FANCA: variants seen among roughly 807,000 people sequenced by gnomAD.
FANCA encodes the protein Fanconi anemia group A protein.
Under a neutral mutation model 194.3 loss-of-function variants are expected in FANCA, and 236 were observed. The ratio of observed to expected loss-of-function variants is 1.21; its 90% CI spans 1.09 to 1.35. The LOEUF (loss-of-function observed/expected upper bound fraction) is 1.35. FANCA is among the 40% of genes most tolerant of loss of function. The pLI is 0.00. For missense variants in FANCA, 2,628 were observed against 1,813.9 expected (o/e 1.45, Z -8.15); for synonymous variants, 1,014 against 715.8 (o/e 1.42, Z -6.65).
chr16:89,761,604 A>T (rs1403909068), intron 29 of FANCA, among the ~76,000 whole-genome samples: 2 of 152,174 alleles, frequency 1.3e-5, no homozygotes, highest in East Asian at 3.9e-4. Context: ...CAATGTGGAA[A>T]ACCGTGTAAC....
rs747141831 is a variant in FANCA, at chr16:89,792,475, C to T, written c.1079G>A (p.Arg360His). 1.1e-5 allele frequency: 17 copies of T among 1,612,938 alleles called. No homozygotes were observed. Among genetic ancestry groups the T allele is most frequent in the South Asian group, 6.6e-5 (6 of 91,034 alleles). ...RTHPLLTSLY[R>H]RLFVMLSAEE... The stretch of plus-strand genomic sequence containing the variant: ...TATAATACCACATCCACTCACCCTG[C>T]GGTACAGTGAGGTGAGCAGAGGGTG... Residue 360 changes from arginine to histidine, a missense_variant, in exon 12 of 43, where the codon CGC becomes CAC. Arg to His is a conservative substitution (Grantham distance 29). Coordinates refer to ENST00000389301, the MANE Select transcript of FANCA (RefSeq NM_000135.4).
At chr16:89,742,705 T>C in intron 37 of FANCA, 95 bp downstream of exon 37, 2 of 1,368,838 alleles carry the variant, frequency 1.5e-6, no homozygotes, top group South Asian at 1.2e-5. Flanking sequence ...TATTTGTCTT[T>C]AGAAAAACAG....
In FANCA at chr16:89,783,120, A is replaced by G. The variant is rs1452023682; in HGVS notation, c.1471-18T>C. ...ATGTGCACCTGAGGATAGATAGCAG[A>G]GCGCAGCACCGTTAGTCTGGGAACT... On this transcript the variant is annotated intron_variant, in intron 15 of 42. Coordinates refer to ENST00000389301, the MANE Select transcript of FANCA (RefSeq NM_000135.4). 6.3e-7 allele frequency: 1 copy of G among 1,587,952 alleles called. No individual in the cohort carries two copies. Among genetic ancestry groups the G allele is most frequent in the African/African-American group, 1.4e-5 (1 of 73,996 alleles).
At chr16:89,804,653 G>A (rs939965021) in intron 7 of FANCA, among the ~76,000 whole-genome samples, 1 of 152,170 alleles carries the variant, frequency 6.6e-6, no homozygotes, top group African/African-American at 2.4e-5. Context: ...AACTGGGTTG[G>A]TCCCTAGTCT....
At chr16:89,761,183 G>T (rs2038938429) in intron 29 of FANCA, among the ~76,000 whole-genome samples, 1 of 152,188 alleles carries the variant, frequency 6.6e-6, no homozygotes, top group African/African-American at 2.4e-5. Flanking sequence ...ACTTTGGGAG[G>T]CCAAGGCAAG....
intron 26 of FANCA, 34 bp downstream of exon 26, chr16:89,769,798 AGAGAG>A (rs1043860520): frequency 1.9e-6 from 3 of 1,609,056 alleles, no homozygotes; most frequent in African/African-American, 2.7e-5. Flanking sequence ...ACTTTTCGAG[AGAGAG>A]GAGAGAAGAC....
intron 2 of FANCA, among the ~76,000 whole-genome samples, chr16:89,815,536 A>G (rs1249785463): frequency 6.6e-6 from 1 of 151,376 alleles, no homozygotes; most frequent in Non-Finnish European, 1.5e-5. Flanking sequence ...TTGTATTTTC[A>G]GTAGAGACCG....
At chr16:89,765,183 A>G (rs2039084630) in intron 27 of FANCA, 117 bp from the exon 28 acceptor site, 1 of 1,205,742 alleles carries the variant, frequency 8.3e-7, no homozygotes, top group Non-Finnish European at 1.2e-6. Flanking sequence ...CCCCACATTC[A>G]GAGGACCTCA....
At chr16:89,748,917 C>A in intron 32 of FANCA, 150 bp from the exon 33 acceptor site, 1 of 711,264 alleles carries the variant, frequency 1.4e-6, no homozygotes, top group Non-Finnish European at 2.5e-6. Flanking sequence ...CTGTCCCATC[C>A]AAAGCCTGCA....
chr16:89,748,103 G>C (rs2038453256), intron 33 of FANCA, among the ~76,000 whole-genome samples: 1 of 152,120 alleles, frequency 6.6e-6, no homozygotes, highest in Non-Finnish European at 1.5e-5. Flanking sequence ...GTAGAAACAG[G>C]GTTTTGTCAT....
At chr16:89,757,344 A>T (rs1178139175) in intron 30 of FANCA, among the ~76,000 whole-genome samples, 1 of 152,158 alleles carries the variant, frequency 6.6e-6, no homozygotes, top group Non-Finnish European at 1.5e-5. Flanking sequence ...GAGTAGGGTT[A>T]ACAAGAAGTC....
rs761658520 is a variant in FANCA, at chr16:89,770,096, G to A, written c.2316+70C>T. The A allele has an allele frequency of 1.3e-5, 21 of 1,579,734 alleles. No homozygotes were observed. The Admixed American group carries it at 2.6e-4, about 20-fold the overall frequency. Reference sequence around the variant, plus strand: ...TGGAATTTTCCAGGGCACTGAAGACGAATTGAGAAGTAGCAGCCTGGCCCT... The same window carrying A: ...TGGAATTTTCCAGGGCACTGAAGACAAATTGAGAAGTAGCAGCCTGGCCCT... On this transcript the variant is annotated intron_variant, in intron 25 of 42. Coordinates refer to ENST00000389301, the MANE Select transcript of FANCA (RefSeq NM_000135.4).
rs748270781 is a variant in FANCA, at chr16:89,785,014, C to G, written c.1360-50G>C. Reference sequence around the variant, plus strand: ...CCCAGGACAGCCAGGCGCGGCTGCACCACCTAGGCAGTGTCCTGTGTGGAG... The same window carrying G: ...CCCAGGACAGCCAGGCGCGGCTGCAGCACCTAGGCAGTGTCCTGTGTGGAG... On this transcript the variant is annotated intron_variant, in intron 14 of 42. Transcript: ENST00000389301. The G allele has an allele frequency of 3.0e-6, 4 of 1,338,090 alleles. No individual in the cohort carries two copies. In the Admixed American group the frequency reaches 6.7e-5, roughly 23 times the overall value. The allele number at this position is 1,338,090 out of a possible 1,614,324, so 82.9% of individuals were successfully genotyped here.
rs752561405 is a variant in FANCA, at chr16:89,744,978, C to T, written c.3607G>A (p.Gly1203Ser). The T allele has an allele frequency of 6.2e-7, 1 of 1,611,772 alleles. No homozygotes were observed. Among genetic ancestry groups the T allele is most frequent in the South Asian group, 1.1e-5 (1 of 91,050 alleles). The change falls in exon 36 of 43, where the codon GGC becomes AGC. Residue 1203 changes from glycine to serine, a missense_variant. Physicochemically the swap from Gly to Ser is moderately conservative, Grantham distance 56 (BLOSUM62 0). Coordinates refer to ENST00000389301, the MANE Select transcript of FANCA (RefSeq NM_000135.4). ...ACGTACTCGCTGGCAAACTGCCGGC[C>T]TTCTTGTAGCTTCTGCAGTTCCCGG... is the stretch of plus-strand genomic sequence containing the variant. ...LPRELQKLQE[G>S]RQFASDFLSP... is the part of the protein sequence containing the mutation.
chr16:89,798,316 G>C (rs2040317529), intron 10 of FANCA: 10 of 1,021,162 alleles, frequency 9.8e-6, no homozygotes, highest in South Asian at 9.2e-5. Context: ...CTGGCACTTT[G>C]TTACAGCAGC....
intron 36 of FANCA, among the ~76,000 whole-genome samples, chr16:89,744,191 G>A (rs2062194616): frequency 6.6e-6 from 1 of 152,178 alleles, no homozygotes; most frequent in East Asian, 1.9e-4. Context: ...CACCGCGCCG[G>A]GGCCCTCTTC....
At chr16:89,761,227 G>A (rs1283435068) in intron 29 of FANCA, among the ~76,000 whole-genome samples, 6 of 152,082 alleles carry the variant, frequency 3.9e-5, no homozygotes, top group Admixed American at 1.3e-4. Flanking sequence ...AGACCACCCT[G>A]GTTAACACGG....
At position 89,752,652 on chromosome 16, in the gene FANCA, C is replaced by T. The variant is rs1006179377; in HGVS notation, c.2982-430G>A. Among the ~76,000 whole-genome samples the T allele has an allele frequency of 2.0e-5, 3 of 152,236 alleles. No homozygotes were observed. The East Asian group carries it at 5.8e-4, about 29-fold the overall frequency. ...ATAATCCTCACTCAATAATCATAGC[C>T]TAGGAAAAACCAGGCCATACAGAGA... On this transcript the variant is annotated intron_variant, in intron 30 of 42. Transcript: ENST00000389301.
intron 28 of FANCA, among the ~76,000 whole-genome samples, chr16:89,764,415 C>G (rs892601461): frequency 6.6e-6 from 1 of 152,066 alleles, no homozygotes; most frequent in Non-Finnish European, 1.5e-5. Context: ...AGTGATTTCT[C>G]TTGCCTCAGC....
Sources: allele counts gnomAD v4.1 joint callset (sites outside exome capture counted in the v4.1 genomes callset), GRCh38; gene constraint gnomAD v4.1.1; transcripts MANE v1.5; gene names NCBI Gene and HGNC (gene_info 2026-07-23, HGNC 2026-07-21).